ABCA12: variants seen among roughly 807,000 people sequenced by gnomAD.
ABCA12 encodes the protein ATP binding cassette subfamily A member 12, also known as glucosylceramide transporter ABCA12.
In ABCA12, 156 loss-of-function variants were observed where a neutral mutation model predicts 293.5. The ratio of observed to expected loss-of-function variants is 0.53; its 90% CI spans 0.47 to 0.61. ABCA12 has a LOEUF of 0.61. ABCA12 is among the 20% of genes least tolerant of loss of function. ABCA12 has a pLI of 0.00. For synonymous variants in ABCA12, 1,063 were observed against 1,108.0 expected, an observed-to-expected ratio of 0.96 and a Z score of 0.81; for missense variants, 2,797 against 3,090.2, an observed-to-expected ratio of 0.91 and a Z score of 2.25.
At chr2:215,075,528 T>C (rs1201689904) in intron 2 of ABCA12, 4 of 695,654 alleles carry the variant, frequency 5.7e-6, no homozygotes, top group Non-Finnish European at 1.0e-5. Context: ...ATCATAACCC[T>C]GTATCTTGAG....
intron 7 of ABCA12, among the ~76,000 whole-genome samples, chr2:215,043,320 T>C (rs545208216): frequency 1.3e-5 from 2 of 152,302 alleles, no homozygotes; most frequent in East Asian, 3.9e-4. Flanking sequence ...ATAAGCTATT[T>C]TCATTATTAT....
intron 27 of ABCA12, among the ~76,000 whole-genome samples, chr2:214,987,189 G>A (rs747556978): frequency 2.0e-5 from 3 of 152,118 alleles, no homozygotes; most frequent in Non-Finnish European, 2.9e-5. Flanking sequence ...CAAAAGGACC[G>A]CTTAGTGGCC....
intron 3 of ABCA12, among the ~76,000 whole-genome samples, chr2:215,061,928 A>G (rs929038035): frequency 1.3e-5 from 2 of 152,072 alleles, no homozygotes; most frequent in Non-Finnish European, 2.9e-5. Flanking sequence ...ATAGTTGTCT[A>G]CTTCTTAGAT....
At chr2:214,998,905 C>A (rs1700087839) in intron 22 of ABCA12, among the ~76,000 whole-genome samples, 1 of 152,166 alleles carries the variant, frequency 6.6e-6, no homozygotes, top group African/African-American at 2.4e-5. Flanking sequence ...TCCACTCAAG[C>A]TTTCACTTGG....
chr2:214,981,942 TTTATTATTATTA>T lies in ABCA12; in HGVS notation c.4579+233_4579+244del, dbSNP rs200886578. Among the ~76,000 whole-genome samples, 1,020 of 128,618 alleles carry T rather than the reference TTTATTATTATTA, an allele frequency of 7.9e-3. 29 individuals carry two copies. The highest frequency in any genetic ancestry group is 0.028 in the African/African-American group (923 of 33,092). 84.4% of individuals were successfully genotyped at this position (128,618 alleles called of 152,430 possible). On this transcript the variant is annotated intron_variant, in intron 30 of 52. Transcript: ENST00000272895. ...ATGCCAGCCACCACAGTCAGCTGTT[TTTATTATTATTA>T]TTATTATTATTATTATTATTATTAT... is the stretch of plus-strand genomic sequence containing the variant.
chr2:215,087,221 T>G (rs915681638), intron 2 of ABCA12, among the ~76,000 whole-genome samples: 2 of 152,086 alleles, frequency 1.3e-5, no homozygotes, highest in African/African-American at 4.8e-5. Flanking sequence ...GGATTTCAGG[T>G]GTGAGCCACC....
intron 36 of ABCA12, 131 bp from the exon 37 acceptor site, chr2:214,970,531 T>C: frequency 2.0e-6 from 2 of 1,007,172 alleles, no homozygotes. Flanking sequence ...GACTGTCCTT[T>C]GACTCTAAAG....
chr2:215,095,147 C>T lies in ABCA12; in HGVS notation c.163+16450G>A, dbSNP rs961726860. 2.0e-5 allele frequency among the ~76,000 whole-genome samples: 3 copies of T among 152,124 alleles called. No homozygotes were observed. In the East Asian group the frequency reaches 5.8e-4, roughly 29 times the overall value. On this transcript the variant is annotated intron_variant, in intron 2 of 52. Transcript: ENST00000272895. Reference sequence around the variant, plus strand: ...GGAATAGGCCTTGACTTACTCATTGCTGAAAAAGGAAGACTCTACATTTTT... The same window carrying T: ...GGAATAGGCCTTGACTTACTCATTGTTGAAAAAGGAAGACTCTACATTTTT...
At chr2:215,006,867 C>CTTTTTTTTTTT (rs371764502) in intron 19 of ABCA12, among the ~76,000 whole-genome samples, 1 of 67,870 alleles carries the variant, frequency 1.5e-5, no homozygotes, top group African/African-American at 5.4e-5. Flanking sequence ...AAATTCCTGC[C>CTTTTTTTTTTT]TTTTTTTTTT....
chr2:215,006,151 C>G (rs1700248571), intron 19 of ABCA12, among the ~76,000 whole-genome samples: 1 of 152,172 alleles, frequency 6.6e-6, no homozygotes, highest in African/African-American at 2.4e-5. Flanking sequence ...AATTACAGTA[C>G]TTTGAAACTA....
chr2:214,936,636 T>C (rs1698228495), intron 51 of ABCA12, among the ~76,000 whole-genome samples: 3 of 152,232 alleles, frequency 2.0e-5, no homozygotes, highest in African/African-American at 7.2e-5. Flanking sequence ...TCTGTGTGTG[T>C]CCATCCCATG....
intron 11 of ABCA12, among the ~76,000 whole-genome samples, chr2:215,021,086 C>A (rs189179918): frequency 3.5e-4 from 53 of 152,290 alleles, no homozygotes; most frequent in Non-Finnish European, 6.0e-4. Context: ...TGGGCTGAAG[C>A]CATCTGCCGG....
chr2:215,087,172 C>T (rs1702057537), intron 2 of ABCA12, among the ~76,000 whole-genome samples: 1 of 152,078 alleles, frequency 6.6e-6, no homozygotes, highest in Non-Finnish European at 1.5e-5. Context: ...AAACTCCTGA[C>T]CTCAGGTGAT....
At chr2:215,106,097 G>A (rs1575047780) in intron 2 of ABCA12, among the ~76,000 whole-genome samples, 1 of 152,150 alleles carries the variant, frequency 6.6e-6, no homozygotes, top group East Asian at 1.9e-4. Flanking sequence ...ACATACCACA[G>A]GAAAAGTCAG....
At position 215,099,520 on chromosome 2, in the gene ABCA12, C is replaced by T. The variant is rs138029130; in HGVS notation, c.163+12077G>A. 8.2e-3 allele frequency among the ~76,000 whole-genome samples: 1,242 copies of T among 152,206 alleles called. 22 individuals carry two copies. The highest frequency in any genetic ancestry group is 0.029 in the African/African-American group (1,197 of 41,528). ...CCATCCAGGCCAACATGGTGAAACC[C>T]CGTCTCTACTAAAAATACAAAAATT... On this transcript the variant is annotated intron_variant, in intron 2 of 52. Coordinates refer to ENST00000272895, the MANE Select transcript of ABCA12 (RefSeq NM_173076.3).
In ABCA12 at chr2:214,983,805, A is replaced by G. The variant is rs781439184; in HGVS notation, c.4224T>C (p.Asp1408=). 3.1e-6 allele frequency: 5 copies of G among 1,613,970 alleles called. No individual in the cohort carries two copies. Among genetic ancestry groups the G allele is most frequent in the Non-Finnish European group, 3.4e-6 (4 of 1,179,976 alleles). ...GTACCGTGTGTAGGTCTGTTTTGAT[A>G]TCTTTTCCATATACAAAAATGGTGC... The part of the protein sequence containing the change: ...SAGTIFVYGK[D]IKTDLHTVRK... Residue 1408 remains aspartate (D), a synonymous_variant, in exon 29 of 53, where the codon GAT becomes GAC. Coordinates refer to ENST00000272895, the MANE Select transcript of ABCA12 (RefSeq NM_173076.3).
At chr2:215,037,655 C>A (rs904358627) in intron 7 of ABCA12, among the ~76,000 whole-genome samples, 10 of 152,068 alleles carry the variant, frequency 6.6e-5, no homozygotes, top group Non-Finnish European at 1.3e-4. Flanking sequence ...GTTTCTATAG[C>A]TTTTATGTTA....
intron 14 of ABCA12, among the ~76,000 whole-genome samples, chr2:215,016,582 C>CAAAA (rs71041981): frequency 0.015 from 454 of 29,920 alleles, 85 homozygotes; most frequent in Middle Eastern, 0.045. Flanking sequence ...GACTCTGTCT[C>CAAAA]AAAAAAAAAA....
chr2:215,119,711 T>C (rs1702761053), intron 1 of ABCA12, among the ~76,000 whole-genome samples: 1 of 139,348 alleles, frequency 7.2e-6, no homozygotes, highest in Non-Finnish European at 1.5e-5. Flanking sequence ...CTCACATGAG[T>C]CAGAATGGCC....
Sources: gnomAD v4.1 joint callset for allele counts (sites outside exome capture counted in the v4.1 genomes callset) on GRCh38, gnomAD v4.1.1 for gene constraint, MANE v1.5 for transcripts, NCBI Gene and HGNC (gene_info 2026-07-23, HGNC 2026-07-21) for gene names.